NHSL1: variants seen among roughly 807,000 people sequenced by gnomAD.
NHSL1 encodes the protein NHS-like protein 1.
A neutral mutation model predicts 95.0 loss-of-function variants in NHSL1; 48 were observed. That is an observed-to-expected ratio of 0.51 (90% CI 0.40 to 0.64). The LOEUF (loss-of-function observed/expected upper bound fraction) is 0.64, where lower values mean the gene tolerates loss of function less well. Ranked by LOEUF, NHSL1 falls within the 30% of genes least tolerant of loss-of-function variation. The probability of loss-of-function intolerance (pLI) is 0.00; values close to 1 mark genes in which losing one functional copy is unlikely to be tolerated. For synonymous variants in NHSL1, 783 were observed against 833.9 expected (o/e 0.94, Z 1.05); for missense variants, 1,971 against 2,077.7 (o/e 0.95, Z 1.00).
chr6:138,464,194 C>T, intron 3 of NHSL1: 2 of 717,926 alleles, frequency 2.8e-6, no homozygotes, highest in Admixed American at 2.3e-5. Flanking sequence ...CCAGGGGCAG[C>T]CTGACAGAGG....
chr6:138,640,317 T>C (rs1393609711), intron 1 of NHSL1, among the ~76,000 whole-genome samples: 1 of 152,166 alleles, frequency 6.6e-6, no homozygotes, highest in Non-Finnish European at 1.5e-5. Flanking sequence ...TATTCTGTAA[T>C]TTCTTAGTAC....
chr6:138,591,755 G>A (rs531524014), intron 1 of NHSL1, among the ~76,000 whole-genome samples: 4 of 152,198 alleles, frequency 2.6e-5, no homozygotes, highest in African/African-American at 4.8e-5. Context: ...TCAATTGAGC[G>A]CGGTTCTAAG....
chr6:138,618,324 C>A (rs1784608847), intron 1 of NHSL1, among the ~76,000 whole-genome samples: 1 of 152,176 alleles, frequency 6.6e-6, no homozygotes, highest in African/African-American at 2.4e-5. Context: ...TCAAAAAGCT[C>A]CTCCAACTGG....
chr6:138,654,507 C>T (rs1785131691), intron 1 of NHSL1, among the ~76,000 whole-genome samples: 2 of 152,042 alleles, frequency 1.3e-5, no homozygotes, highest in South Asian at 4.2e-4. Flanking sequence ...ACTTAAGGTA[C>T]AATCATATTT....
Position 138,516,588 on chromosome 6 carries a change from T to A in NHSL1, c.17-20217A>T, listed in dbSNP as rs970759953. On this transcript the variant is annotated intron_variant, in intron 1 of 4. Coordinates refer to the NHSL1 transcript ENST00000342260. ...AGCAATGGTTGAACATCAAAGTTGT[T>A]TTGTTGTTGTTGTTGTTGTTGTTGT... 2.0e-5 allele frequency among the ~76,000 whole-genome samples: 3 copies of A among 151,732 alleles called. No individual in the cohort carries two copies. The East Asian group carries it at 5.8e-4, about 29-fold the overall frequency.
intron 1 of NHSL1, among the ~76,000 whole-genome samples, chr6:138,543,837 G>T (rs1363478333): frequency 6.6e-6 from 1 of 152,194 alleles, no homozygotes; most frequent in Non-Finnish European, 1.5e-5. Context: ...AAAGTAGAAT[G>T]TCAACTGTTT....
chr6:138,580,589 C>A (rs913871268), intron 1 of NHSL1, among the ~76,000 whole-genome samples: 40 of 152,188 alleles, frequency 2.6e-4, no homozygotes, highest in Non-Finnish European at 4.4e-5. Context: ...TTTCAAGCTA[C>A]CAACAATTTA....
Position 138,430,996 on chromosome 6 carries a change from T to C in NHSL1, c.3349A>G (p.Lys1117Glu). 1 of 1,552,250 alleles carries C rather than the reference T, an allele frequency of 6.4e-7. No individual in the cohort carries two copies. The highest frequency in any genetic ancestry group is 8.7e-7 in the Non-Finnish European group (1 of 1,147,126). ...QYHLKPSAFL[K>E]SRNSTNEMES... ...ATTTCATTTGTGCTATTTCGGGATT[T>C]CAGGAAAGCAGATGGCTTTAAGTGG... The change falls in exon 6 of 8, where the codon AAA (lysine) becomes GAA (glutamate). Residue 1117 changes from lysine (K) to glutamate (E), a missense_variant. Physicochemically the swap from Lys to Glu is moderately conservative, Grantham distance 56. This residue lies in a region of NHSL1 where 1,602 missense variants were observed against 1,654.5 expected (regional missense o/e 0.97). Coordinates refer to ENST00000343505, the MANE Select transcript of NHSL1 (RefSeq NM_001144060.2). The surrounding 1 kb of genome is among the most constrained non-coding windows in gnomAD (Gnocchi z 4.7).
At chr6:138,671,363 T>C (rs1785367575) in intron 1 of NHSL1, among the ~76,000 whole-genome samples, 2 of 151,484 alleles carry the variant, frequency 1.3e-5, no homozygotes, top group East Asian at 1.9e-4. Flanking sequence ...GGCAGAAGAA[T>C]TGCTTGAACC....
chr6:138,444,723 T>C (rs2128218371), intron 4 of NHSL1, among the ~76,000 whole-genome samples: 1 of 152,222 alleles, frequency 6.6e-6, no homozygotes, highest in African/African-American at 2.4e-5. Context: ...TAGAAATACA[T>C]AATTTAAAGA....
chr6:138,641,622 C>CAAAAAA lies in NHSL1; in HGVS notation c.96+50848_96+50853dup, dbSNP rs771307557. ...TGGGTGACAGAGTGAGACTCCGTCT[C>CAAAAAA]AAAAAAAAAAAAAAAAAAAAAAAAT... On this transcript the variant is annotated intron_variant, in intron 1 of 3. Transcript: ENST00000491526. Among the ~76,000 whole-genome samples, 33 of 76,432 alleles carry CAAAAAA rather than the reference C, an allele frequency of 4.3e-4. 1 individual carries two copies. Among genetic ancestry groups the CAAAAAA allele is most frequent in the African/African-American group, 1.3e-3 (28 of 21,202 alleles). The allele number at this position is 76,432 out of a possible 152,430, so 50.1% of individuals were successfully genotyped here. A position where few individuals can be genotyped will look rare whatever the true frequency, so the allele number is the denominator to read the frequency against.
At chr6:138,464,089 G>A (rs1405883725) in intron 3 of NHSL1, 10 of 451,920 alleles carry the variant, frequency 2.2e-5, no homozygotes, top group Non-Finnish European at 3.3e-5. Flanking sequence ...TGGTGGCCGC[G>A]CACGAGGTCA....
At chr6:138,494,080 C>T (rs1780217159) in intron 2 of NHSL1, among the ~76,000 whole-genome samples, 1 of 152,148 alleles carries the variant, frequency 6.6e-6, no homozygotes, top group Non-Finnish European at 1.5e-5. Context: ...AAAAATAGAA[C>T]CATGATCTGA....
intron 1 of NHSL1, among the ~76,000 whole-genome samples, chr6:138,587,605 T>C (rs1471736625): frequency 6.6e-6 from 1 of 152,016 alleles, no homozygotes; most frequent in Non-Finnish European, 1.5e-5. Context: ...ATTCTGTTTA[T>C]AGATAGAGCT....
At chr6:138,649,746 T>C (rs1401063913) in intron 1 of NHSL1, among the ~76,000 whole-genome samples, 2 of 152,188 alleles carry the variant, frequency 1.3e-5, no homozygotes, top group Non-Finnish European at 2.9e-5. Flanking sequence ...CCTACCAGCA[T>C]AGGCCTAGAC....
chr6:138,445,127 A>ATC (rs1483754607), intron 4 of NHSL1, among the ~76,000 whole-genome samples: 1 of 152,166 alleles, frequency 6.6e-6, no homozygotes, highest in Non-Finnish European at 1.5e-5. Context: ...TTCATTGCAA[A>ATC]TAATTCTTCA....
At chr6:138,674,158 A>C (rs897388172) in intron 1 of NHSL1, among the ~76,000 whole-genome samples, 23 of 152,062 alleles carry the variant, frequency 1.5e-4, no homozygotes, top group African/African-American at 5.6e-4. Flanking sequence ...TTTTTTTTTC[A>C]ATTTTTAAAA....
rs1305770306 is a variant in NHSL1 at position 138,430,264 on chromosome 6, T to A, written c.3952+129A>T. ...TGTGTTTTAACACAGGAAGCCTACATACTGCTAGCTTTAACAGGAATCTGA... is the reference window on the plus strand; with the variant it reads ...TGTGTTTTAACACAGGAAGCCTACAAACTGCTAGCTTTAACAGGAATCTGA... On this transcript the variant is annotated intron_variant, in intron 6 of 7. Transcript: ENST00000343505. The surrounding 1 kb of genome is among the most constrained non-coding windows in gnomAD (Gnocchi z 4.7). 2 of 1,290,448 alleles carry A rather than the reference T, an allele frequency of 1.5e-6. No individual in the cohort carries two copies. The highest frequency in any genetic ancestry group is 3.4e-5 in the Admixed American group (1 of 29,134). The allele number at this position is 1,290,448 out of a possible 1,614,324, so 79.9% of individuals were successfully genotyped here. A position where few individuals can be genotyped will look rare whatever the true frequency, so the allele number is the denominator to read the frequency against.
chr6:138,588,430 C>A (rs1162523854), intron 1 of NHSL1, among the ~76,000 whole-genome samples: 3 of 152,144 alleles, frequency 2.0e-5, no homozygotes, highest in Admixed American at 2.0e-4. Context: ...CTATTGCTCT[C>A]CAGTCTGGGT....
Sources: gnomAD v4.1 joint callset for allele counts (sites outside exome capture counted in the v4.1 genomes callset) on GRCh38, gnomAD v4.1.1 for gene constraint, gnomAD v4.1.1 regional missense constraint, Gnocchi (gnomAD v3.1) non-coding constraint, MANE v1.5 for transcripts, NCBI Gene and HGNC (gene_info 2026-07-23, HGNC 2026-07-21) for gene names.